Variants in CDH12 observed in about 807,000 individuals in gnomAD.
CDH12 encodes cadherin-12.
A neutral mutation model predicts 74.1 loss-of-function variants in CDH12; 41 were observed. That is an observed-to-expected ratio of 0.55 (90% CI 0.43 to 0.72). CDH12 has a LOEUF of 0.72. Ranked by LOEUF, CDH12 falls within the 30% of genes least tolerant of loss-of-function variation. CDH12 has a pLI of 0.00. For missense variants in CDH12, 945 were observed against 977.2 expected (o/e 0.97, Z 0.44); for synonymous variants, 399 against 355.0 (o/e 1.12, Z -1.39).
chr5:22,836,217 C>CTCTTTT (rs1329156670), intron 1 of CDH12, among the ~76,000 whole-genome samples: 1 of 20,484 alleles, frequency 4.9e-5, no homozygotes, highest in Non-Finnish European at 9.4e-5. Context: ...TTTTTTCTTT[C>CTCTTTT]TTTCTCTTTT....
intron 10 of CDH12, among the ~76,000 whole-genome samples, chr5:21,787,415 G>GTTTT (rs2149902724): frequency 1.4e-5 from 1 of 69,622 alleles, no homozygotes; most frequent in East Asian, 3.5e-4. Flanking sequence ...TTTTGTTTTT[G>GTTTT]TTTTTTGTTT....
chr5:22,071,445 G>T (rs1741933364), intron 5 of CDH12, among the ~76,000 whole-genome samples: 1 of 152,032 alleles, frequency 6.6e-6, no homozygotes, highest in East Asian at 1.9e-4. Context: ...AAAACCAATG[G>T]AACATTTTAA....
chr5:22,816,048 G>A (rs1259183892), intron 1 of CDH12, among the ~76,000 whole-genome samples: 1 of 152,118 alleles, frequency 6.6e-6, no homozygotes, highest in Non-Finnish European at 1.5e-5. Flanking sequence ...TATGAATGCA[G>A]CGATTTTACT....
At chr5:22,255,575 T>C (rs1753282711) in intron 3 of CDH12, among the ~76,000 whole-genome samples, 2 of 151,726 alleles carry the variant, frequency 1.3e-5, no homozygotes, top group South Asian at 2.1e-4. Flanking sequence ...AAAATATTTA[T>C]GTCTCAAGGT....
chr5:21,955,512 T>G lies in CDH12; in HGVS notation c.526+19579A>C, dbSNP rs866446335. 2.0e-4 allele frequency among the ~76,000 whole-genome samples: 31 copies of G among 152,032 alleles called. 1 individual carries two copies. Among genetic ancestry groups the G allele is most frequent in the African/African-American group, 6.5e-4 (27 of 41,418 alleles). ...GCATTGAGAGCTTATAAAATTTTAA[T>G]GAGTGATCAAACCAAATTTGAAGAG... is the stretch of plus-strand genomic sequence containing the variant. On this transcript the variant is annotated intron_variant, in intron 6 of 14. Transcript: ENST00000382254.
intron 1 of CDH12, among the ~76,000 whole-genome samples, chr5:22,762,762 T>C (rs1212271184): frequency 6.6e-6 from 1 of 152,100 alleles, no homozygotes; most frequent in Non-Finnish European, 1.5e-5. Context: ...AAAGAGTTAA[T>C]TTTTCTGAGC....
intron 1 of CDH12, among the ~76,000 whole-genome samples, chr5:22,588,340 T>C (rs1327699631): frequency 3.9e-5 from 6 of 152,074 alleles, no homozygotes; most frequent in Non-Finnish European, 8.8e-5. Flanking sequence ...GACTAGTAAA[T>C]TGGAAGTCAT....
intron 1 of CDH12, among the ~76,000 whole-genome samples, chr5:22,524,636 G>A (rs1285232614): frequency 3.9e-5 from 6 of 152,050 alleles, no homozygotes; most frequent in Admixed American, 6.6e-5. Flanking sequence ...CCTGGAAAAC[G>A]TATCAATGTT....
rs112939290 is a variant in CDH12 at position 22,466,646 on chromosome 5, C to A, written c.-428+38624G>T. On this transcript the variant is annotated intron_variant, in intron 2 of 14. Transcript: ENST00000382254. ...GAGGCTGCGGTTTCCATTTGTTTAC[C>A]CCAAATCCCTCAACTATGTATGTAG... Among the ~76,000 whole-genome samples, 549 of 152,070 alleles carry A rather than the reference C, an allele frequency of 3.6e-3. 6 individuals carry two copies. The highest frequency in any genetic ancestry group is 0.013 in the African/African-American group (523 of 41,468).
chr5:22,484,736 C>T (rs1330916704), intron 2 of CDH12, among the ~76,000 whole-genome samples: 2 of 152,224 alleles, frequency 1.3e-5, no homozygotes, highest in Non-Finnish European at 2.9e-5. Context: ...CCTCCTGGCA[C>T]ATGTGAGTCT....
intron 5 of CDH12, among the ~76,000 whole-genome samples, chr5:22,050,999 T>C (rs1256350764): frequency 6.6e-6 from 1 of 152,186 alleles, no homozygotes; most frequent in Non-Finnish European, 1.5e-5. Flanking sequence ...GATTCCCACA[T>C]CCTATGGAGA....
At chr5:22,359,445 C>G (rs1452076781) in intron 3 of CDH12, among the ~76,000 whole-genome samples, 1 of 152,144 alleles carries the variant, frequency 6.6e-6, no homozygotes, top group Non-Finnish European at 1.5e-5. Flanking sequence ...CCTTAGAGAT[C>G]TACAAAGAGA....
chr5:21,936,906 C>T (rs904038167), intron 6 of CDH12, among the ~76,000 whole-genome samples: 1 of 152,152 alleles, frequency 6.6e-6, no homozygotes, highest in African/African-American at 2.4e-5. Flanking sequence ...TCACCTTCCA[C>T]CATGATTATA....
chr5:22,434,766 C>CT (rs551986107), intron 2 of CDH12, among the ~76,000 whole-genome samples: 35 of 151,364 alleles, frequency 2.3e-4, no homozygotes, highest in East Asian at 1.4e-3. Flanking sequence ...TTTTTGTGTG[C>CT]TTTTTTTTTC....
intron 7 of CDH12, among the ~76,000 whole-genome samples, chr5:21,843,261 C>G (rs561252474): frequency 6.6e-6 from 1 of 152,132 alleles, no homozygotes; most frequent in Non-Finnish European, 1.5e-5. Context: ...AAACATGCTA[C>G]TTTCTTTAAG....
intron 4 of CDH12, among the ~76,000 whole-genome samples, chr5:22,090,501 A>T (rs909950744): frequency 2.0e-5 from 3 of 151,368 alleles, no homozygotes; most frequent in Admixed American, 2.0e-4. Context: ...AAAAAAAAAA[A>T]AGAAGTTGAG....
intron 7 of CDH12, among the ~76,000 whole-genome samples, chr5:21,846,061 A>G (rs1750149994): frequency 6.6e-6 from 1 of 152,148 alleles, no homozygotes; most frequent in Non-Finnish European, 1.5e-5. Flanking sequence ...TACAGTAAAG[A>G]ACTAGGCAAC....
intron 3 of CDH12, among the ~76,000 whole-genome samples, chr5:22,322,264 G>A (rs755674845): frequency 7.2e-5 from 11 of 152,044 alleles, no homozygotes; most frequent in Non-Finnish European, 1.5e-4. Flanking sequence ...TTCCGCTCAT[G>A]GAGTTAAGGC....
chr5:22,550,517 C>G (rs1738518377), intron 1 of CDH12, among the ~76,000 whole-genome samples: 1 of 152,084 alleles, frequency 6.6e-6, no homozygotes. Flanking sequence ...CTCTCTTTTC[C>G]TCATCCCACA....
Sources: gnomAD v4.1 joint callset for allele counts (sites outside exome capture counted in the v4.1 genomes callset) on GRCh38, gnomAD v4.1.1 for gene constraint, MANE v1.5 for transcripts, NCBI Gene and HGNC (gene_info 2026-07-23, HGNC 2026-07-21) for gene names.